MACROD2: variants seen among roughly 807,000 people sequenced by gnomAD.
MACROD2 encodes the protein ADP-ribose glycohydrolase MACROD2.
Under a neutral mutation model 70.4 loss-of-function variants are expected in MACROD2, and 36 were observed. That is an observed-to-expected ratio of 0.51 (90% confidence interval 0.39 to 0.68). MACROD2 has a LOEUF of 0.68. Among genes scored for constraint, MACROD2 ranks in the 30% least tolerant of loss-of-function variants. The pLI, the probability that MACROD2 is intolerant of heterozygous loss-of-function variation, is 0.00. For synonymous variants in MACROD2, 172 were observed against 178.8 expected, an observed-to-expected ratio of 0.96 and a Z score of 0.30; for missense variants, 496 against 538.4, an observed-to-expected ratio of 0.92 and a Z score of 0.78.
At chr20:15,157,349 A>ACCCCCCC (rs71870874) in intron 5 of MACROD2, among the ~76,000 whole-genome samples, 35 of 109,380 alleles carry the variant, frequency 3.2e-4, no homozygotes, top group South Asian at 7.1e-4. Context: ...CTAATTAACC[A>ACCCCCCC]CCCCCCCCCA....
At chr20:14,432,229 C>T (rs1281600825) in intron 3 of MACROD2, among the ~76,000 whole-genome samples, 1 of 152,126 alleles carries the variant, frequency 6.6e-6, no homozygotes, top group African/African-American at 2.4e-5. Flanking sequence ...GGCTGTCTCA[C>T]TTACAGTCCT....
intron 4 of MACROD2, among the ~76,000 whole-genome samples, chr20:14,515,498 C>CACACAT (rs1555798347): frequency 1.3e-5 from 2 of 150,300 alleles, no homozygotes; most frequent in South Asian, 2.1e-4. Flanking sequence ...CACACACACA[C>CACACAT]GATGGAATAT....
In MACROD2 at chr20:14,299,543, C is replaced by T. The variant is rs558990307; in HGVS notation, c.272-193936C>T. Among the ~76,000 whole-genome samples, 6 of 152,030 alleles carry T rather than the reference C, an allele frequency of 3.9e-5. No homozygotes were observed. The South Asian group carries it at 1.2e-3, about 32-fold the overall frequency. On this transcript the variant is annotated intron_variant, in intron 3 of 17. Transcript: ENST00000684519. ...GCTGTGAACATTGTTGAAATAACAA[C>T]AAAATATTTAGAATATTATATACAC...
intron 4 of MACROD2, among the ~76,000 whole-genome samples, chr20:14,677,826 T>C (rs57371887): frequency 0.026 from 3,925 of 152,236 alleles, 128 homozygotes; most frequent in African/African-American, 0.067. Context: ...GACTCCAGCA[T>C]GATTAAGGAC....
At chr20:14,104,998 A>G (rs534295811) in intron 3 of MACROD2, among the ~76,000 whole-genome samples, 2 of 152,316 alleles carry the variant, frequency 1.3e-5, no homozygotes, top group South Asian at 2.1e-4. Flanking sequence ...CTGATAATTC[A>G]TGAGGCCTAG....
intron 8 of MACROD2, among the ~76,000 whole-genome samples, chr20:15,547,111 C>T (rs1463803463): frequency 6.6e-6 from 1 of 152,192 alleles, no homozygotes; most frequent in East Asian, 1.9e-4. Flanking sequence ...GTCTCCACCA[C>T]CCAAGGTCTA....
intron 5 of MACROD2, among the ~76,000 whole-genome samples, chr20:15,209,909 C>A (rs2076746673): frequency 6.6e-6 from 1 of 152,134 alleles, no homozygotes; most frequent in South Asian, 2.1e-4. Flanking sequence ...TTTTCTAATG[C>A]CAGGATGGTT....
chr20:15,268,743 A>G (rs767998073), intron 6 of MACROD2, among the ~76,000 whole-genome samples: 9 of 152,224 alleles, frequency 5.9e-5, no homozygotes, highest in Non-Finnish European at 1.0e-4. Context: ...AGATCAGACT[A>G]TGAGAATCAT....
chr20:15,878,616 C>T (rs1341536668), intron 9 of MACROD2, among the ~76,000 whole-genome samples: 3 of 152,034 alleles, frequency 2.0e-5, no homozygotes, highest in Non-Finnish European at 4.4e-5. Flanking sequence ...TGGAGTAAGA[C>T]AAATCTGAAG....
chr20:15,810,636 C>G (rs1436204335), intron 8 of MACROD2, among the ~76,000 whole-genome samples: 1 of 152,182 alleles, frequency 6.6e-6, no homozygotes, highest in Non-Finnish European at 1.5e-5. Context: ...CAAGTCAATC[C>G]TAAGCCAAAA....
intron 5 of MACROD2, among the ~76,000 whole-genome samples, chr20:14,700,435 A>C (rs1000521321): frequency 6.6e-6 from 1 of 152,114 alleles, no homozygotes; most frequent in African/African-American, 2.4e-5. Flanking sequence ...AGTTCCACTT[A>C]TGAAGCTGAA....
At chr20:15,757,874 T>C (rs1478968077) in intron 8 of MACROD2, among the ~76,000 whole-genome samples, 1 of 152,164 alleles carries the variant, frequency 6.6e-6, no homozygotes, top group Admixed American at 6.5e-5. Context: ...ATATCCCACA[T>C]CCAAATACCA....
intron 8 of MACROD2, among the ~76,000 whole-genome samples, chr20:15,825,367 A>G (rs2063985536): frequency 6.6e-6 from 1 of 152,218 alleles, no homozygotes; most frequent in Non-Finnish European, 1.5e-5. Flanking sequence ...AGCCACACAT[A>G]GATGCTCTGG....
intron 3 of MACROD2, among the ~76,000 whole-genome samples, chr20:14,315,094 A>G (rs1368907385): frequency 2.6e-5 from 4 of 152,204 alleles, no homozygotes; most frequent in Non-Finnish European, 5.9e-5. Flanking sequence ...TGGAGTCAGC[A>G]TGTCACAATA....
chr20:15,399,733 G>C (rs1463206586), intron 6 of MACROD2, among the ~76,000 whole-genome samples: 3 of 152,206 alleles, frequency 2.0e-5, no homozygotes, highest in Non-Finnish European at 4.4e-5. Flanking sequence ...CACCATCCCA[G>C]ATTTAGGCCT....
chr20:14,896,904 G>A (rs1362771535), intron 5 of MACROD2, among the ~76,000 whole-genome samples: 1 of 152,142 alleles, frequency 6.6e-6, no homozygotes, highest in African/African-American at 2.4e-5. Context: ...TTATAAATGT[G>A]TAGCTAGTTC....
At chr20:15,036,517 A>T (rs1022334863) in intron 5 of MACROD2, among the ~76,000 whole-genome samples, 5 of 152,240 alleles carry the variant, frequency 3.3e-5, no homozygotes, top group African/African-American at 1.2e-4. Flanking sequence ...TGATTTCAGT[A>T]CATACTAAAG....
At chr20:14,848,257 C>T (rs1568830916) in intron 5 of MACROD2, among the ~76,000 whole-genome samples, 1 of 152,158 alleles carries the variant, frequency 6.6e-6, no homozygotes, top group Non-Finnish European at 1.5e-5. Context: ...AGAACTTGTA[C>T]ACATCCACTG....
At chr20:15,472,298 G>A (rs1287691425) in intron 7 of MACROD2, among the ~76,000 whole-genome samples, 2 of 151,870 alleles carry the variant, frequency 1.3e-5, no homozygotes, top group Admixed American at 6.6e-5. Context: ...TCTTTCCCAG[G>A]TGCTCTTTCC....
Sources: gnomAD v4.1 joint callset for allele counts (sites outside exome capture counted in the v4.1 genomes callset) on GRCh38, gnomAD v4.1.1 for gene constraint, MANE v1.5 for transcripts, NCBI Gene and HGNC (gene_info 2026-07-23, HGNC 2026-07-21) for gene names.